Variants in MN1 observed in about 807,000 individuals in gnomAD.
MN1 encodes MN1 proto-oncogene, transcriptional regulator.
MN1 carries 19 observed loss-of-function variants against 86.9 expected under a neutral mutation model. That is an observed-to-expected ratio of 0.22 (90% confidence interval 0.15 to 0.32). The LOEUF (loss-of-function observed/expected upper bound fraction) is 0.32. Ranked by LOEUF, MN1 falls within the 10% of genes least tolerant of loss-of-function variation. MN1 has a pLI of 1.00. For missense variants in MN1, 1,841 were observed against 1,862.0 expected (o/e 0.99, Z 0.21); for synonymous variants, 928 against 849.6 (o/e 1.09, Z -1.60).
chr22:27,793,720 CA>C (rs35339732), intron 1 of MN1, among the ~76,000 whole-genome samples: 4,659 of 152,224 alleles, frequency 0.031, 85 homozygotes, highest in South Asian at 0.069. Context: ...GACAACTTGC[CA>C]GTCAAGTTCC....
chr22:27,779,659 A>G (rs1933025253), intron 1 of MN1, among the ~76,000 whole-genome samples: 3 of 152,196 alleles, frequency 2.0e-5, no homozygotes, highest in African/African-American at 7.2e-5. Flanking sequence ...GGGGCTTGGC[A>G]TGATGGGTGT....
chr22:27,761,507 G>A (rs377650050), intron 1 of MN1, among the ~76,000 whole-genome samples: 6 of 150,916 alleles, frequency 4.0e-5, no homozygotes, highest in East Asian at 3.9e-4. Flanking sequence ...GGACAAAACC[G>A]GACAGCCCCC....
chr22:27,752,131 C>G lies in MN1; in HGVS notation c.3782-1035G>C, dbSNP rs193128106. Among the ~76,000 whole-genome samples the G allele has an allele frequency of 1.2e-4, 18 of 152,300 alleles. 1 individual carries two copies. The highest frequency in any genetic ancestry group is 3.6e-4 in the African/African-American group (15 of 41,554). ...TTTCCTGGGGTCACACAGCTCCAAC[C>G]TAATGGCTGAGAGAATCCAGTTGTA... On this transcript the variant is annotated intron_variant, in intron 1 of 1. Coordinates refer to ENST00000302326, the MANE Select transcript of MN1 (RefSeq NM_002430.3).
At chr22:27,761,209 C>T (rs978743663) in intron 1 of MN1, among the ~76,000 whole-genome samples, 37 of 151,618 alleles carry the variant, frequency 2.4e-4, no homozygotes, top group African/African-American at 8.5e-4. Context: ...GTCTCGTTCT[C>T]GCTCTCTCTC....
intron 1 of MN1, among the ~76,000 whole-genome samples, chr22:27,772,352 T>C (rs1932924851): frequency 6.6e-6 from 1 of 152,226 alleles, no homozygotes; most frequent in African/African-American, 2.4e-5. Flanking sequence ...ATCCGGCTTC[T>C]ACCTGGAAGC....
rs1933340759 is a variant in MN1, at chr22:27,798,200, C to G, written c.2344G>C (p.Gly782Arg). ...TCAGGCTGCGGCGGGTAGGCACCCC[C>G]GCCACCGCCGCCACCAGAGCTGCCA... ...GGGSSGGGGG[G>R]GAYPPQPDFQ... Residue 782 changes from glycine (G) to arginine (R), a missense_variant, in exon 1 of 2, where the codon GGG becomes CGG. Gly to Arg is a moderately radical substitution (Grantham distance 125). Coordinates refer to ENST00000302326, the MANE Select transcript of MN1 (RefSeq NM_002430.3). 6.5e-7 allele frequency: 1 copy of G among 1,526,750 alleles called. No individual in the cohort carries two copies. Among genetic ancestry groups the G allele is most frequent in the Non-Finnish European group, 8.7e-7 (1 of 1,145,892 alleles). The allele number at this position is 1,526,750 out of a possible 1,614,324, so 94.6% of individuals were successfully genotyped here. A position where few individuals can be genotyped will look rare whatever the true frequency, so the allele number is the denominator to read the frequency against.
At chr22:27,770,571 C>T (rs1932905790) in intron 1 of MN1, among the ~76,000 whole-genome samples, 1 of 152,200 alleles carries the variant, frequency 6.6e-6, no homozygotes, top group South Asian at 2.1e-4. Flanking sequence ...GATCAAAGAA[C>T]ACACGAAGAG....
chr22:27,775,886 C>CGCCTGAA (rs1175315929), intron 1 of MN1, among the ~76,000 whole-genome samples: 1 of 152,166 alleles, frequency 6.6e-6, no homozygotes. Flanking sequence ...TGCTCCCTGC[C>CGCCTGAA]GCCTGAAGCC....
At chr22:27,765,571 G>A (rs1932863437) in intron 1 of MN1, among the ~76,000 whole-genome samples, 1 of 152,348 alleles carries the variant, frequency 6.6e-6, no homozygotes, top group Middle Eastern at 3.4e-3. Flanking sequence ...TGGGCTGCAT[G>A]GCCTGCCCAG....
At position 27,753,071 on chromosome 22, in the gene MN1, A is replaced by G. The variant is rs542546710; in HGVS notation, c.3782-1975T>C. ...ACTGGGCTTGGGGCCCCCACCCTGG[A>G]GCCCCAGAGACACTCAGCTTTGGGA... On this transcript the variant is annotated intron_variant, in intron 1 of 1. Coordinates refer to ENST00000302326, the MANE Select transcript of MN1 (RefSeq NM_002430.3). Among the ~76,000 whole-genome samples, 7 of 152,328 alleles carry G rather than the reference A, an allele frequency of 4.6e-5. No homozygotes were observed. The East Asian group carries it at 1.2e-3, about 25-fold the overall frequency.
At chr22:27,758,402 A>G (rs1301366285) in intron 1 of MN1, among the ~76,000 whole-genome samples, 1 of 152,168 alleles carries the variant, frequency 6.6e-6, no homozygotes, top group Non-Finnish European at 1.5e-5. Context: ...TGAGATGTGC[A>G]TACTTCTCTC....
chr22:27,758,262 C>G (rs1315492701), intron 1 of MN1, among the ~76,000 whole-genome samples: 1 of 152,200 alleles, frequency 6.6e-6, no homozygotes, highest in East Asian at 1.9e-4. Flanking sequence ...AGCCCTGATC[C>G]TTCCACCTCC....
rs942348707 is a variant in MN1 at position 27,751,006 on chromosome 22, T to C, written c.3872A>G (p.Asp1291Gly). 6 of 1,613,114 alleles carry C rather than the reference T, an allele frequency of 3.7e-6. No individual in the cohort carries two copies. The highest frequency in any genetic ancestry group is 1.1e-5 in the South Asian group (1 of 90,940). ...LSVHCTDDVG[D>G]AKARASVPTW... is the part of the protein sequence containing the mutation. ...GGGCACGGAGGCTCGAGCCTTGGCG[T>C]CACCCACGTCGTCTGTGCAGTGGAC... Residue 1291 changes from aspartate to glycine, a missense_variant, in exon 2 of 2, where the codon GAC (aspartate) becomes GGC (glycine). Coordinates refer to ENST00000302326, the MANE Select transcript of MN1 (RefSeq NM_002430.3).
At position 27,797,448 on chromosome 22, in the gene MN1, G is replaced by C; in HGVS notation, c.3096C>G (p.Ala1032=). ...PDLIGSLDGG[A]KSDSSSPNVG... is the part of the protein sequence containing the mutation. ...CGTTTGGCGAACTACTGTCCGACTT[G>C]GCCCCGCCGTCCAGGGACCCAATGA... Residue 1032 remains alanine, a synonymous_variant, in exon 1 of 2, where the codon GCC becomes GCG. Transcript: ENST00000302326. 1.9e-6 allele frequency: 3 copies of C among 1,605,530 alleles called. No individual in the cohort carries two copies. The highest frequency in any genetic ancestry group is 2.6e-6 in the Non-Finnish European group (3 of 1,176,118).
chr22:27,781,887 C>T (rs1023898919), intron 1 of MN1, among the ~76,000 whole-genome samples: 3 of 152,132 alleles, frequency 2.0e-5, no homozygotes, highest in Admixed American at 2.0e-4. Context: ...CTCTTGCTAT[C>T]TCTGTTCAGC....
Position 27,798,674 on chromosome 22 carries a change from G to C in MN1, c.1870C>G (p.His624Asp). The change falls in exon 1 of 2, where the codon CAC becomes GAC. Residue 624 changes from histidine to aspartate, a missense_variant. Physicochemically the swap from His to Asp is moderately conservative, Grantham distance 81. Coordinates refer to ENST00000302326, the MANE Select transcript of MN1 (RefSeq NM_002430.3). ...AACCACGCGCTCTCTTGCGCCAAGTGCGGCGCCTGCTGCTCGAAGGTGCCC... is the reference window on the plus strand; with the variant it reads ...AACCACGCGCTCTCTTGCGCCAAGTCCGGCGCCTGCTGCTCGAAGGTGCCC... ...RLGTFEQQAP[H>D]LAQESAWFSG... 2 of 1,542,022 alleles carry C rather than the reference G, an allele frequency of 1.3e-6. No homozygotes were observed. Among genetic ancestry groups the C allele is most frequent in the Non-Finnish European group, 1.7e-6 (2 of 1,153,074 alleles).
At chr22:27,795,625 T>C (rs944959578) in intron 1 of MN1, among the ~76,000 whole-genome samples, 2 of 151,712 alleles carry the variant, frequency 1.3e-5, no homozygotes, top group South Asian at 4.2e-4. Flanking sequence ...AAGAAAGACA[T>C]AGAAAGAAAG....
In MN1 at chr22:27,799,358, C is replaced by T. The variant is rs1438898275; in HGVS notation, c.1186G>A (p.Gly396Arg). The T allele has an allele frequency of 2.5e-6, 4 of 1,573,868 alleles. No homozygotes were observed. The highest frequency in any genetic ancestry group is 1.4e-5 in the African/African-American group (1 of 73,940). The change falls in exon 1 of 2, where the codon GGA becomes AGA. Residue 396 changes from glycine (G) to arginine (R), a missense_variant. By Grantham distance (125) the Gly-to-Arg change is moderately radical. Coordinates refer to ENST00000302326, the MANE Select transcript of MN1 (RefSeq NM_002430.3). Reference protein sequence around the residue: ...AGTPSGGLQDGGPMLPSQHAQ... With the variant: ...AGTPSGGLQDRGPMLPSQHAQ... ...TGCTGGCTGGGCAGCATGGGGCCTC[C>T]GTCCTGCAGGCCGCCGCTGGGCGTG...
chr22:27,773,347 A>T (rs1932936722), intron 1 of MN1, among the ~76,000 whole-genome samples: 1 of 152,228 alleles, frequency 6.6e-6, no homozygotes, highest in African/African-American at 2.4e-5. Flanking sequence ...GGGGAAGCAG[A>T]TGCTGGGCTT....
Sources: allele counts gnomAD v4.1 joint callset (sites outside exome capture counted in the v4.1 genomes callset), GRCh38; gene constraint gnomAD v4.1.1; transcripts MANE v1.5; gene names NCBI Gene and HGNC (gene_info 2026-07-23, HGNC 2026-07-21).